Variants in PPFIA2 observed in about 807,000 individuals in gnomAD.
PPFIA2 encodes the protein PPFI scaffold protein A2.
Under a neutral mutation model 175.5 loss-of-function variants are expected in PPFIA2, and 46 were observed. The ratio of observed to expected loss-of-function variants is 0.26; its 90% confidence interval spans 0.21 to 0.34. PPFIA2 has a LOEUF of 0.34. PPFIA2 is among the 10% of genes least tolerant of loss of function. PPFIA2 has a pLI of 1.00. For synonymous variants in PPFIA2, 568 were observed against 511.4 expected (o/e 1.11, Z -1.49); for missense variants, 1,179 against 1,506.1 (o/e 0.78, Z 3.60).
At chr12:81,566,662 C>A (rs2071392334) in intron 4 of PPFIA2, among the ~76,000 whole-genome samples, 1 of 151,610 alleles carries the variant, frequency 6.6e-6, no homozygotes, top group Non-Finnish European at 1.5e-5. Flanking sequence ...AAGAGAAGGA[C>A]ACATTTTTCA....
chr12:81,678,306 T>G (rs766654134), intron 3 of PPFIA2, among the ~76,000 whole-genome samples: 10 of 151,880 alleles, frequency 6.6e-5, no homozygotes, highest in Non-Finnish European at 1.5e-4. Flanking sequence ...CTTATGCTAC[T>G]AATTCACTTA....
chr12:81,351,895 G>C (rs1323072941), intron 17 of PPFIA2, among the ~76,000 whole-genome samples: 1 of 151,902 alleles, frequency 6.6e-6, no homozygotes, highest in Non-Finnish European at 1.5e-5. Context: ...AGCAGTGTGA[G>C]ACCCTATTTA....
At chr12:81,314,210 ATATAT>A (rs1253924156) in intron 22 of PPFIA2, among the ~76,000 whole-genome samples, 1 of 151,946 alleles carries the variant, frequency 6.6e-6, no homozygotes, top group African/African-American at 2.4e-5. Context: ...TTTTGTGCTA[ATATAT>A]TATAAACTTC....
In PPFIA2 at chr12:81,280,423, T is replaced by G. The variant is rs998064642; in HGVS notation, c.3212+834A>C. On this transcript the variant is annotated intron_variant, in intron 27 of 32. Coordinates refer to ENST00000549396, the MANE Select transcript of PPFIA2 (RefSeq NM_003625.5). ...CCCAATTATCCTCTATTTATCCTAA[T>G]TTTATGTCATCAACATATCTAATTT... Among the ~76,000 whole-genome samples the G allele has an allele frequency of 3.3e-5, 5 of 152,168 alleles. No individual in the cohort carries two copies. In the South Asian group the frequency reaches 1.0e-3, roughly 31 times the overall value.
At chr12:81,276,004 T>C (rs2040426809) in intron 28 of PPFIA2, among the ~76,000 whole-genome samples, 1 of 152,278 alleles carries the variant, frequency 6.6e-6, no homozygotes, top group African/African-American at 2.4e-5. Context: ...CAGGATGGTC[T>C]TGATCTCCTG....
intron 4 of PPFIA2, among the ~76,000 whole-genome samples, chr12:81,464,340 G>A (rs558101666): frequency 6.6e-6 from 1 of 152,216 alleles, no homozygotes; most frequent in Non-Finnish European, 1.5e-5. Flanking sequence ...GAACACAGAT[G>A]AGAAAAGTAG....
At chr12:81,405,753 A>G (rs1443038909) in intron 8 of PPFIA2, 34 bp downstream of exon 8, 2 of 1,184,362 alleles carry the variant, frequency 1.7e-6, no homozygotes, top group East Asian at 2.7e-5. Flanking sequence ...AGAAGTAAAC[A>G]TTTCCATGTA....
At chr12:81,494,614 A>C (rs2059815435) in intron 4 of PPFIA2, among the ~76,000 whole-genome samples, 1 of 151,994 alleles carries the variant, frequency 6.6e-6, no homozygotes, top group South Asian at 2.1e-4. Context: ...AAAGGACTAT[A>C]AATCATGCTG....
rs1314218943 is a variant in PPFIA2 at position 81,750,150 on chromosome 12, A to G, written c.249+3823T>C. ...GATAAACTTTTGGCTGGGATGGGAA[A>G]TTAACCAGACAAAGACATTGAGGAA... On this transcript the variant is annotated intron_variant, in intron 3 of 32. Coordinates refer to ENST00000549396, the MANE Select transcript of PPFIA2 (RefSeq NM_003625.5). Among the ~76,000 whole-genome samples the G allele has an allele frequency of 1.4e-5, 2 of 143,990 alleles. 1 individual carries two copies. The highest frequency in any genetic ancestry group is 3.1e-5 in the Non-Finnish European group (2 of 64,190). 94.5% of individuals were successfully genotyped at this position (143,990 alleles called of 152,430 possible). A position where few individuals can be genotyped will look rare whatever the true frequency, so the allele number is the denominator to read the frequency against.
intron 4 of PPFIA2, among the ~76,000 whole-genome samples, chr12:81,533,163 G>A (rs1002410319): frequency 2.0e-5 from 3 of 151,610 alleles, no homozygotes; most frequent in Non-Finnish European, 1.5e-5. Flanking sequence ...GTTTAACCAT[G>A]ATGGAAAGGG....
intron 4 of PPFIA2, among the ~76,000 whole-genome samples, chr12:81,518,460 A>G (rs1337572643): frequency 6.6e-6 from 1 of 152,136 alleles, no homozygotes; most frequent in Non-Finnish European, 1.5e-5. Context: ...TCCACTGCAG[A>G]TCACTCCTCC....
At chr12:81,430,710 C>T (rs961851455) in intron 7 of PPFIA2, 3 of 152,026 alleles carry the variant, frequency 2.0e-5, no homozygotes, top group Non-Finnish European at 4.4e-5. Context: ...TTCCAGTTTT[C>T]CATTTAATTC....
At chr12:81,468,827 T>TA (rs1253661352) in intron 4 of PPFIA2, among the ~76,000 whole-genome samples, 1 of 151,622 alleles carries the variant, frequency 6.6e-6, no homozygotes, top group Non-Finnish European at 1.5e-5. Flanking sequence ...TTGCACACTG[T>TA]AGCTCAGAAA....
chr12:81,295,074 A>G, intron 23 of PPFIA2, 39 bp from the exon 24 acceptor site: 1 of 1,553,344 alleles, frequency 6.4e-7, no homozygotes, highest in South Asian at 1.2e-5. Flanking sequence ...AATTATAATA[A>G]TAGTTATCAT....
chr12:81,639,755 T>C (rs367600441), intron 4 of PPFIA2, among the ~76,000 whole-genome samples: 10 of 152,102 alleles, frequency 6.6e-5, no homozygotes, highest in East Asian at 5.8e-4. Context: ...GGACTGAAAA[T>C]AACGATATAA....
chr12:81,261,276 G>A (rs1050479793), intron 32 of PPFIA2: 6 of 152,164 alleles, frequency 3.9e-5, no homozygotes, highest in African/African-American at 1.4e-4. Flanking sequence ...CTTGAGTGCA[G>A]TGGCACCATC....
At chr12:81,602,037 T>G (rs2153456788) in intron 4 of PPFIA2, among the ~76,000 whole-genome samples, 1 of 151,970 alleles carries the variant, frequency 6.6e-6, no homozygotes, top group South Asian at 2.1e-4. Context: ...CTTTCTATAT[T>G]GTGTGCCTTA....
chr12:81,383,528 G>A (rs1208436856), intron 9 of PPFIA2, among the ~76,000 whole-genome samples: 1 of 151,966 alleles, frequency 6.6e-6, no homozygotes, highest in South Asian at 2.1e-4. Flanking sequence ...AGTAGAAAAA[G>A]GGATGTTATG....
intron 4 of PPFIA2, among the ~76,000 whole-genome samples, chr12:81,480,254 T>G (rs894428923): frequency 3.9e-5 from 6 of 152,120 alleles, no homozygotes; most frequent in Non-Finnish European, 8.8e-5. Flanking sequence ...GTTTTTTAGC[T>G]CCATCAGGTC....
Sources: gnomAD v4.1 joint callset for allele counts (sites outside exome capture counted in the v4.1 genomes callset) on GRCh38, gnomAD v4.1.1 for gene constraint, MANE v1.5 for transcripts, NCBI Gene and HGNC (gene_info 2026-07-23, HGNC 2026-07-21) for gene names.